The following NEFH variants were observed in gnomAD, a reference collection of about 807,000 sequenced individuals.
NEFH encodes the protein neurofilament heavy chain.
In NEFH, 58 loss-of-function variants were observed where a neutral mutation model predicts 56.6. The observed-to-expected ratio is 1.03, with a 90% CI of 0.83 to 1.28. The LOEUF (loss-of-function observed/expected upper bound fraction) is 1.28, where lower values mean the gene tolerates loss of function less well. NEFH is among the 50% of genes most tolerant of loss of function. NEFH has a pLI of 0.00. For synonymous variants in NEFH, 542 were observed against 545.8 expected (o/e 0.99, Z 0.10); for missense variants, 1,221 against 1,307.6 (o/e 0.93, Z 1.02).
chr22:29,482,971 ATG>A (rs2063020670), intron 1 of NEFH, among the ~76,000 whole-genome samples: 3 of 152,208 alleles, frequency 2.0e-5, no homozygotes, highest in Admixed American at 2.0e-4. Flanking sequence ...GTCAATCCAC[ATG>A]TGTCACCTTC....
intron 3 of NEFH, among the ~76,000 whole-genome samples, chr22:29,488,082 G>A (rs989163469): frequency 6.6e-6 from 1 of 152,208 alleles, no homozygotes; most frequent in African/African-American, 2.4e-5. Flanking sequence ...TAGAATTGTG[G>A]TCGGGTGCGG....
chr22:29,491,020 G>C lies in NEFH; in HGVS notation c.*317G>C. Reference sequence around the variant, plus strand: ...CTGCCCCCCTCCTTTCCAAATAAGTGCATTTATTGCCTCTATGTGCAACTG... The same window carrying C: ...CTGCCCCCCTCCTTTCCAAATAAGTCCATTTATTGCCTCTATGTGCAACTG... On this transcript the variant is annotated 3_prime_UTR_variant, in exon 4 of 4. Coordinates refer to ENST00000310624, the MANE Select transcript of NEFH (RefSeq NM_021076.4). 2.3e-6 allele frequency: 1 copy of C among 444,108 alleles called. No individual in the cohort carries two copies. Among genetic ancestry groups the C allele is most frequent in the Non-Finnish European group, 4.2e-6 (1 of 240,562 alleles). 27.5% of individuals were successfully genotyped at this position (444,108 alleles called of 1,614,324 possible).
intron 3 of NEFH, 33 bp from the exon 4 acceptor site, chr22:29,488,816 T>G (rs1165148491): frequency 6.2e-7 from 1 of 1,610,900 alleles, no homozygotes; most frequent in Non-Finnish European, 8.5e-7. Flanking sequence ...TGCCCTGAGT[T>G]TATACTAATG....
intron 2 of NEFH, 101 bp downstream of exon 2, chr22:29,483,675 G>A: frequency 1.4e-5 from 16 of 1,183,370 alleles, no homozygotes; most frequent in Admixed American, 4.0e-5. Flanking sequence ...GGTTAAGATT[G>A]TGGCCCTTGG....
chr22:29,482,688 C>CA (rs1252856900), intron 1 of NEFH, among the ~76,000 whole-genome samples: 2 of 152,216 alleles, frequency 1.3e-5, no homozygotes, highest in South Asian at 4.1e-4. Context: ...GCCTCCAGCT[C>CA]AGTGTTAAGC....
At position 29,480,678 on chromosome 22, in the gene NEFH, G is replaced by C. The variant is rs1187998283; in HGVS notation, c.416G>C (p.Arg139Pro). 13 of 1,544,200 alleles carry C rather than the reference G, an allele frequency of 8.4e-6. No individual in the cohort carries two copies. The highest frequency in any genetic ancestry group is 7.1e-5 in the South Asian group (6 of 84,836). ...AAALRQQQAG[R>P]SAMGELYERE... The stretch of plus-strand genomic sequence containing the variant: ...GCGCTGCGGCAGCAGCAGGCGGGCC[G>C]CTCCGCTATGGGCGAGCTGTACGAG... The change falls in exon 1 of 4, where the codon CGC (arginine) becomes CCC (proline). Residue 139 changes from arginine (R) to proline (P), a missense_variant. Arg to Pro is a moderately radical substitution (Grantham distance 103). Around this residue, in one of 4 missense-constraint regions of NEFH, gnomAD observed 640 missense variants for 555.5 expected, o/e 1.15. Transcript: ENST00000310624.
At chr22:29,483,083 G>A (rs577074185) in intron 1 of NEFH, among the ~76,000 whole-genome samples, 14 of 152,140 alleles carry the variant, frequency 9.2e-5, no homozygotes, top group Admixed American at 7.2e-4. Context: ...GTTCAAGACC[G>A]CCTGGCGAAT....
chr22:29,485,546 C>T (rs986175669), intron 2 of NEFH, among the ~76,000 whole-genome samples, 177 bp from the exon 3 acceptor site: 4 of 152,244 alleles, frequency 2.6e-5, no homozygotes, highest in African/African-American at 9.6e-5. Context: ...AGGATTTTTG[C>T]TCCAGATTGT....
rs1385010406 is a variant in NEFH at position 29,483,579 on chromosome 22, G to T, written c.1083+5G>T. The T allele has an allele frequency of 1.9e-6, 3 of 1,613,332 alleles. No homozygotes were observed. Among genetic ancestry groups the T allele is most frequent in the Non-Finnish European group, 2.5e-6 (3 of 1,179,936 alleles). The stretch of plus-strand genomic sequence containing the variant: ...GCCGACATTGCCTCCTACCAGGTGG[G>T]CAGGGGCAAGGCAGACAGCCAGACT... On this transcript the variant is annotated splice_donor_5th_base_variant and intron_variant, in intron 2 of 3. Transcript: ENST00000310624.
rs1411960070 is a variant in NEFH, at chr22:29,483,830, TA to T, written c.1083+257del. Among the ~76,000 whole-genome samples, 9 of 56,514 alleles carry T rather than the reference TA, an allele frequency of 1.6e-4. No individual in the cohort carries two copies. In the East Asian group the frequency reaches 3.3e-3, roughly 20 times the overall value. The allele number at this position is 56,514 out of a possible 152,430, so 37.1% of individuals were successfully genotyped here. ...TGGAAAGATTAAAGAGATAGACTTT[TA>T]TTTATTTATTTATTTATTTATTTAT... On this transcript the variant is annotated intron_variant, in intron 2 of 3. Transcript: ENST00000310624.
In NEFH at chr22:29,490,223, AGAG is replaced by A; in HGVS notation, c.2588_2590del (p.Glu863del). On this transcript the variant is annotated inframe_deletion, in exon 4 of 4. Transcript: ENST00000310624. Reference sequence around the variant, plus strand: ...CAGAGGAGAAGAAGGACAGCAAGAAAGAGGAGGCACCCAAGAAGGAGGCTCCAA... The same window carrying A: ...CAGAGGAGAAGAAGGACAGCAAGAAAGAGGCACCCAAGAAGGAGGCTCCAA... 2 of 1,611,002 alleles carry A rather than the reference AGAG, an allele frequency of 1.2e-6. No individual in the cohort carries two copies. Among genetic ancestry groups the A allele is most frequent in the South Asian group, 2.2e-5 (2 of 90,762 alleles).
Position 29,480,990 on chromosome 22 carries a change from G to A in NEFH, c.728G>A (p.Gly243Asp). Residue 243 changes from glycine (G) to aspartate (D), a missense_variant, in exon 1 of 4, where the codon GGC becomes GAC. This residue lies in a region of NEFH where 640 missense variants were observed against 555.5 expected (regional missense o/e 1.15). Coordinates refer to ENST00000310624, the MANE Select transcript of NEFH (RefSeq NM_021076.4). ...CAGGAAGAGGTGGGCGAGCTGCTCG[G>A]CCAGATCCAGGGCTCCGGCGCCGCG... ...HHQEEVGELL[G>D]QIQGSGAAQA... The A allele has an allele frequency of 2.0e-6, 3 of 1,532,082 alleles. No individual in the cohort carries two copies. The highest frequency in any genetic ancestry group is 2.6e-6 in the Non-Finnish European group (3 of 1,145,626). The allele number at this position is 1,532,082 out of a possible 1,614,324, so 94.9% of individuals were successfully genotyped here.
intron 2 of NEFH, among the ~76,000 whole-genome samples, chr22:29,484,410 C>T (rs1290178375): frequency 6.6e-6 from 1 of 151,868 alleles, no homozygotes; most frequent in Non-Finnish European, 1.5e-5. Flanking sequence ...GAGGCCAAGG[C>T]GGGTGGATCA....
chr22:29,485,148 G>T (rs1354514833), intron 2 of NEFH, among the ~76,000 whole-genome samples: 1 of 152,066 alleles, frequency 6.6e-6, no homozygotes, highest in Non-Finnish European at 1.5e-5. Flanking sequence ...TGTCTCCCAG[G>T]CTGGAGTACA....
rs1569198321 is a variant in NEFH, at chr22:29,490,475, AGAG to A, written c.2836_2838del (p.Glu946del). On this transcript the variant is annotated inframe_deletion, in exon 4 of 4. Transcript: ENST00000310624. ...AGGCCAAGGAACCCAGCAAACCAGC[AGAG>A]AAGAAGGAGGCAGCACCGGAGAAAA... 1.3e-6 allele frequency: 2 copies of A among 1,590,958 alleles called. No individual in the cohort carries two copies. Among genetic ancestry groups the A allele is most frequent in the East Asian group, 2.2e-5 (1 of 44,794 alleles).
chr22:29,485,907 G>A (rs2063041920), intron 3 of NEFH, 60 bp downstream of exon 3: 3 of 1,606,064 alleles, frequency 1.9e-6, no homozygotes, highest in Admixed American at 1.7e-5. Context: ...GAGACGCTAA[G>A]CCTTGGGTTT....
In NEFH at chr22:29,480,791, G is replaced by T; in HGVS notation, c.529G>T (p.Asp177Tyr). 7.0e-7 allele frequency: 1 copy of T among 1,424,198 alleles called. No individual in the cohort carries two copies. Among genetic ancestry groups the T allele is most frequent in the Non-Finnish European group, 9.1e-7 (1 of 1,099,980 alleles). The allele number at this position is 1,424,198 out of a possible 1,614,324, so 88.2% of individuals were successfully genotyped here. A position where few individuals can be genotyped will look rare whatever the true frequency, so the allele number is the denominator to read the frequency against. ...CCTGGAGCAGGAGCACCTGCTCGAGGACATCGCGCACGTGCGCCAGCGCCT... is the reference window on the plus strand; with the variant it reads ...CCTGGAGCAGGAGCACCTGCTCGAGTACATCGCGCACGTGCGCCAGCGCCT... ...LRLEQEHLLE[D>Y]IAHVRQRLDD... is the part of the protein sequence containing the mutation. Residue 177 changes from aspartate (D) to tyrosine (Y), a missense_variant, in exon 1 of 4, where the codon GAC (aspartate) becomes TAC (tyrosine). Asp to Tyr is a radical substitution (Grantham distance 160). Transcript: ENST00000310624.
At position 29,483,439 on chromosome 22, in the gene NEFH, GGA is replaced by G. The variant is rs762186836; in HGVS notation, c.951_952del (p.Glu317AspfsTer3). 1.2e-6 allele frequency: 2 copies of G among 1,614,038 alleles called. No individual in the cohort carries two copies. The highest frequency in any genetic ancestry group is 3.3e-5 in the Admixed American group (2 of 60,032). On this transcript the variant is annotated frameshift_variant, in exon 2 of 4. Coordinates refer to ENST00000310624, the MANE Select transcript of NEFH (RefSeq NM_021076.4). LOFTEE classifies it high-confidence loss of function. Reference protein sequence around the residue: ...NTDAMRSAQEEITEYRRQLQA... With the variant: ...NTDAMRSAQEXITEYRRQLQA... ...CAGACGCTATGCGCTCAGCGCAGGA[GGA>G]GATAACTGAGTACCGGCGTCAGCTG...
intron 3 of NEFH, among the ~76,000 whole-genome samples, chr22:29,486,058 G>T (rs1569196533): frequency 6.6e-6 from 1 of 152,124 alleles, no homozygotes; most frequent in Non-Finnish European, 1.5e-5. Flanking sequence ...TTACTGTGTT[G>T]CCCAGGTTGA....
Sources: gnomAD v4.1 joint callset for allele counts (sites outside exome capture counted in the v4.1 genomes callset) on GRCh38, gnomAD v4.1.1 for gene constraint, gnomAD v4.1.1 regional missense constraint, MANE v1.5 for transcripts, NCBI Gene and HGNC (gene_info 2026-07-23, HGNC 2026-07-21) for gene names.